SSUH2: variants seen among roughly 807,000 people sequenced by gnomAD.
SSUH2 encodes the protein ssu-2 homolog, also known as protein SSUH2 homolog.
Under a neutral mutation model 55.3 loss-of-function variants are expected in SSUH2, and 47 were observed. The observed-to-expected ratio is 0.85, with a 90% confidence interval of 0.67 to 1.08. The LOEUF (loss-of-function observed/expected upper bound fraction) is 1.08. Among genes scored for constraint, SSUH2 ranks in the 50% least tolerant of loss-of-function variants. The pLI is 0.00. For missense variants in SSUH2, 535 were observed against 490.7 expected, an observed-to-expected ratio of 1.09 and a Z score of -0.85; for synonymous variants, 212 against 191.5, an observed-to-expected ratio of 1.11 and a Z score of -0.89.
intron 3 of SSUH2, among the ~76,000 whole-genome samples, chr3:8,634,990 A>T (rs938981693): frequency 6.6e-6 from 1 of 152,206 alleles, no homozygotes; most frequent in Non-Finnish European, 1.5e-5. Flanking sequence ...TACACAGCCA[A>T]TTGAGTGTAA....
intron 1 of SSUH2, among the ~76,000 whole-genome samples, chr3:8,637,727 C>T (rs1293887044): frequency 6.6e-6 from 1 of 152,186 alleles, no homozygotes; most frequent in African/African-American, 2.4e-5. Flanking sequence ...CAGGAGTTGA[C>T]TTCAAATAGT....
chr3:8,670,734 G>T (rs1233097026), intron 5 of SSUH2, among the ~76,000 whole-genome samples: 1 of 151,966 alleles, frequency 6.6e-6, no homozygotes, highest in African/African-American at 2.4e-5. Context: ...ATATCACAGG[G>T]TGTACAGGCA....
intron 4 of SSUH2, among the ~76,000 whole-genome samples, chr3:8,632,634 C>T (rs1397075620): frequency 6.6e-6 from 1 of 152,346 alleles, no homozygotes; most frequent in East Asian, 1.9e-4. Flanking sequence ...GTGGCCTCTT[C>T]TTTCAGATTC....
Position 8,677,698 on chromosome 3 carries a change from T to G in SSUH2, c.-900-345A>C, listed in dbSNP as rs34649851. 1.6e-3 allele frequency among the ~76,000 whole-genome samples: 237 copies of G among 150,778 alleles called. 7 individuals carry two copies. Among genetic ancestry groups the G allele is most frequent in the African/African-American group, 3.4e-3 (141 of 41,092 alleles). ...CAACTAGACAGGGTTTCTAAAGGAT[T>G]GCCCCCCTGTTTTAGGGCCTTGGCA... On this transcript the variant is annotated intron_variant, in intron 2 of 18. Coordinates refer to the SSUH2 transcript ENST00000317371.
chr3:8,669,338 A>T (rs1704296126), intron 5 of SSUH2, among the ~76,000 whole-genome samples: 1 of 152,208 alleles, frequency 6.6e-6, no homozygotes, highest in Non-Finnish European at 1.5e-5. Context: ...ATGCTAACAT[A>T]AAAAAGTGAT....
chr3:8,663,026 T>C (rs1468889202), intron 6 of SSUH2, among the ~76,000 whole-genome samples: 1 of 152,228 alleles, frequency 6.6e-6, no homozygotes, highest in African/African-American at 2.4e-5. Flanking sequence ...CCGGATCAAA[T>C]CATTGGAAGA....
chr3:8,634,195 T>C, intron 3 of SSUH2: 1 of 590,152 alleles, frequency 1.7e-6, no homozygotes, highest in South Asian at 2.0e-5. Flanking sequence ...TCGGGTACCT[T>C]GACCTTAGCC....
chr3:8,653,901 A>AC (rs1460033662), intron 7 of SSUH2, among the ~76,000 whole-genome samples: 1 of 152,022 alleles, frequency 6.6e-6, no homozygotes, highest in Non-Finnish European at 1.5e-5. Flanking sequence ...CGACCCTTCC[A>AC]CCCCACCCAG....
At chr3:8,625,728 G>C (rs541486168) in intron 9 of SSUH2, 81 bp from the exon 10 acceptor site, 139 of 971,260 alleles carry the variant, frequency 1.4e-4, no homozygotes, top group South Asian at 1.0e-3. Flanking sequence ...ACAGACCTGG[G>C]GTTGAGGGCT....
chr3:8,664,779 T>G (rs1161331058), intron 5 of SSUH2, among the ~76,000 whole-genome samples: 1 of 152,116 alleles, frequency 6.6e-6, no homozygotes, highest in Non-Finnish European at 1.5e-5. Flanking sequence ...GGAATCACAA[T>G]CCTTGCTCCC....
rs112366230 is a variant in SSUH2, at chr3:8,633,761, C to T, written c.244G>A (p.Ala82Thr). ...TTAGAGTCCACAAAGCTGAGGAGGG[C>T]TTCCCGGGCCACCTCCTCCGTCATC... ...PAMTEEVARE[A>T]LLSFVDSKCC... The change falls in exon 4 of 12, where the codon GCC becomes ACC. Residue 82 changes from alanine (A) to threonine (T), a missense_variant. Transcript: ENST00000544814. The T allele has an allele frequency of 8.3e-3, 13,306 of 1,610,926 alleles. 95 individuals are homozygous for T. Among genetic ancestry groups the T allele is most frequent in the African/African-American group, 0.033 (2,470 of 74,996 alleles).
intron 11 of SSUH2, among the ~76,000 whole-genome samples, chr3:8,621,370 G>A (rs544049642): frequency 1.4e-4 from 21 of 152,144 alleles, no homozygotes; most frequent in Non-Finnish European, 2.6e-4. Context: ...AAACCAGGCC[G>A]GGTGGGGGGC....
chr3:8,629,791 T>C, intron 6 of SSUH2, 65 bp from the exon 7 acceptor site: 1 of 1,506,060 alleles, frequency 6.6e-7, no homozygotes, highest in Non-Finnish European at 9.2e-7. Context: ...ACCCATAACA[T>C]CACCATCTAA....
chr3:8,627,742 C>G lies in SSUH2; in HGVS notation c.630G>C (p.Lys210Asn). 6.2e-7 allele frequency: 1 copy of G among 1,610,640 alleles called. No individual in the cohort carries two copies. ...CGCACAGCTGACATCTCCGGGACTG[C>G]TTGGCTTTGCGCTTGGCTCCGCAGC... ...PSCCGAKRKA[K>N]QSRRCQLCAG... Residue 210 changes from lysine to asparagine, a missense_variant, in exon 8 of 12, where the codon AAG (lysine) becomes AAC (asparagine). By Grantham distance (94) the Lys-to-Asn change is moderately conservative. Transcript: ENST00000544814.
Position 8,644,763 on chromosome 3 carries a change from C to T in SSUH2, c.-5G>A, listed in dbSNP as rs1701446435. The T allele has an allele frequency of 6.5e-7, 1 of 1,535,986 alleles. No individual in the cohort carries two copies. The highest frequency in any genetic ancestry group is 8.7e-7 in the Non-Finnish European group (1 of 1,146,884). On this transcript the variant is annotated 5_prime_UTR_variant, in exon 1 of 12. Coordinates refer to ENST00000544814, the MANE Select transcript of SSUH2 (RefSeq NM_001256748.3). ...TTCATTCAGATCCCTGTCCATGTTCCAGACGTCCTGCCAAAGAGATGTCTG... is the reference window on the plus strand; with the variant it reads ...TTCATTCAGATCCCTGTCCATGTTCTAGACGTCCTGCCAAAGAGATGTCTG...
At chr3:8,634,243 C>T in intron 3 of SSUH2, 1 of 610,980 alleles carries the variant, frequency 1.6e-6, no homozygotes, top group Non-Finnish European at 2.5e-6. Context: ...AGACCCCAGC[C>T]AGGCACTGGC....
rs28579590 is a variant in SSUH2 at position 8,653,944 on chromosome 3, C to T, written c.-307+4981G>A. Among the ~76,000 whole-genome samples, 403 of 152,302 alleles carry T rather than the reference C, an allele frequency of 2.6e-3. 1 individual carries two copies. Among genetic ancestry groups the T allele is most frequent in the African/African-American group, 9.2e-3 (382 of 41,570 alleles). On this transcript the variant is annotated intron_variant, in intron 7 of 18. Transcript: ENST00000317371. ...CGTTCCCCTGCCTGTAACAGCATGG[C>T]TCAGTTTTGCCTGTTGAACTTGATA...
At chr3:8,623,726 G>C (rs1696941000) in intron 10 of SSUH2, 70 bp from the exon 11 acceptor site, 1 of 772,842 alleles carries the variant, frequency 1.3e-6, no homozygotes, top group South Asian at 1.8e-5. Context: ...CACTGGGGCT[G>C]ACTAGAGCCA....
At chr3:8,673,207 G>A (rs568069770) in intron 3 of SSUH2, among the ~76,000 whole-genome samples, 1 of 151,956 alleles carries the variant, frequency 6.6e-6, no homozygotes, top group East Asian at 1.9e-4. Flanking sequence ...ATCATTTATT[G>A]TTATCGTTAG....
Sources: gnomAD v4.1 joint callset for allele counts (sites outside exome capture counted in the v4.1 genomes callset) on GRCh38, gnomAD v4.1.1 for gene constraint, MANE v1.5 for transcripts, NCBI Gene and HGNC (gene_info 2026-07-23, HGNC 2026-07-21) for gene names.